MEGF11: variants seen among roughly 807,000 people sequenced by gnomAD.
The protein encoded by MEGF11 is multiple epidermal growth factor-like domains protein 11.
Under a neutral mutation model 146.6 loss-of-function variants are expected in MEGF11, and 126 were observed. The observed-to-expected ratio is 0.86, with a 90% CI of 0.74 to 1.00. MEGF11 has a LOEUF of 1.00. Ranked by LOEUF, MEGF11 falls within the 50% of genes least tolerant of loss-of-function variation. The pLI, the probability that MEGF11 is intolerant of heterozygous loss-of-function variation, is 0.00. For missense variants in MEGF11, 1,509 were observed against 1,521.2 expected (o/e 0.99, Z 0.13); for synonymous variants, 532 against 583.4 (o/e 0.91, Z 1.27).
At chr15:66,121,778 T>C (rs757808614) in intron 3 of MEGF11, among the ~76,000 whole-genome samples, 1 of 152,194 alleles carries the variant, frequency 6.6e-6, no homozygotes, top group African/African-American at 2.4e-5. Flanking sequence ...GAGGACATAT[T>C]CCAAGCAGCC....
chr15:65,922,494 T>C, intron 14 of MEGF11, 22 bp from the exon 15 acceptor site: 1 of 1,539,106 alleles, frequency 6.5e-7, no homozygotes, highest in Non-Finnish European at 8.8e-7. Context: ...GGGAAGATGG[T>C]GGTCAGCAGC....
chr15:66,126,923 G>T (rs1224430611), intron 2 of MEGF11, among the ~76,000 whole-genome samples: 1 of 152,230 alleles, frequency 6.6e-6, no homozygotes, highest in Non-Finnish European at 1.5e-5. Flanking sequence ...GGCCCCAGGA[G>T]ACTTTTTCGA....
chr15:66,163,169 A>G (rs1172513258), intron 1 of MEGF11, among the ~76,000 whole-genome samples: 1 of 152,150 alleles, frequency 6.6e-6, no homozygotes, highest in African/African-American at 2.4e-5. Context: ...GGGAATCTGG[A>G]GCTCCTGTCC....
intron 5 of MEGF11, among the ~76,000 whole-genome samples, chr15:66,070,432 A>G (rs2085317546): frequency 6.6e-6 from 1 of 152,212 alleles, no homozygotes; most frequent in East Asian, 1.9e-4. Context: ...TCCATGTGAC[A>G]ACCAGGACCA....
At chr15:65,915,349 T>G in intron 19 of MEGF11, 121 bp downstream of exon 19, 1 of 1,330,668 alleles carries the variant, frequency 7.5e-7, no homozygotes. Context: ...CTATTCCTGC[T>G]GTCCTCACAA....
At chr15:66,239,765 G>A (rs1314394660) in intron 1 of MEGF11, among the ~76,000 whole-genome samples, 1 of 152,232 alleles carries the variant, frequency 6.6e-6, no homozygotes, top group Non-Finnish European at 1.5e-5. Context: ...GGGCCCAGGT[G>A]AGGCACCATG....
intron 5 of MEGF11, among the ~76,000 whole-genome samples, chr15:66,027,900 C>T (rs2083390547): frequency 6.6e-6 from 1 of 152,188 alleles, no homozygotes; most frequent in South Asian, 2.1e-4. Flanking sequence ...ACTTGGGCCT[C>T]AGCTTCCTCA....
intron 5 of MEGF11, among the ~76,000 whole-genome samples, chr15:66,026,130 G>C (rs2083323691): frequency 6.6e-6 from 1 of 152,234 alleles, no homozygotes; most frequent in South Asian, 2.1e-4. Context: ...ACTCCCCAAA[G>C]CTCCCCAGGT....
intron 3 of MEGF11, among the ~76,000 whole-genome samples, chr15:66,121,551 TC>T (rs2088025555): frequency 6.6e-6 from 1 of 152,172 alleles, no homozygotes; most frequent in African/African-American, 2.4e-5. Flanking sequence ...AAGGGAATGG[TC>T]CTGGGCAAGT....
At chr15:66,133,776 T>G (rs1838940650) in intron 1 of MEGF11, among the ~76,000 whole-genome samples, 1 of 152,238 alleles carries the variant, frequency 6.6e-6, no homozygotes, top group East Asian at 1.9e-4. Context: ...CTAATCTTCC[T>G]GTACTTAAAA....
intron 1 of MEGF11, among the ~76,000 whole-genome samples, chr15:66,155,217 G>A (rs753866823): frequency 6.6e-6 from 1 of 152,094 alleles, no homozygotes; most frequent in African/African-American, 2.4e-5. Flanking sequence ...CACCCCCTGT[G>A]CAGTAATCAG....
intron 7 of MEGF11, among the ~76,000 whole-genome samples, chr15:65,980,062 G>T (rs1316766423): frequency 6.6e-6 from 1 of 152,188 alleles, no homozygotes; most frequent in Non-Finnish European, 1.5e-5. Context: ...GTGTGCAAGT[G>T]CAGGGGGCGA....
At chr15:66,020,153 A>T (rs750965124) in intron 5 of MEGF11, among the ~76,000 whole-genome samples, 1 of 152,266 alleles carries the variant, frequency 6.6e-6, no homozygotes, top group Admixed American at 6.5e-5. Flanking sequence ...GGATTAGATC[A>T]TTCAATTTCC....
At chr15:66,050,541 G>A (rs960778423) in intron 5 of MEGF11, among the ~76,000 whole-genome samples, 6 of 152,320 alleles carry the variant, frequency 3.9e-5, no homozygotes, top group African/African-American at 1.4e-4. Flanking sequence ...TGAGAGAGGT[G>A]GGTAAGGATC....
At chr15:66,208,671 C>G (rs2091362360) in intron 1 of MEGF11, among the ~76,000 whole-genome samples, 1 of 151,804 alleles carries the variant, frequency 6.6e-6, no homozygotes, top group East Asian at 1.9e-4. Flanking sequence ...CACCTGAGGT[C>G]AGGAGTTTGA....
At chr15:66,218,517 A>G (rs2140152707) in intron 1 of MEGF11, among the ~76,000 whole-genome samples, 1 of 152,318 alleles carries the variant, frequency 6.6e-6, no homozygotes, top group Admixed American at 6.5e-5. Flanking sequence ...TAGCCAATCA[A>G]ACCCTCCCTG....
At chr15:65,950,584 G>GACACACACACACACAC (rs57977250) in intron 10 of MEGF11, among the ~76,000 whole-genome samples, 21 of 148,940 alleles carry the variant, frequency 1.4e-4, no homozygotes, top group African/African-American at 5.2e-4. Context: ...TAGACACACA[G>GACACACACACACACAC]ACACACACAC....
At chr15:66,211,737 C>G (rs148693825) in intron 1 of MEGF11, among the ~76,000 whole-genome samples, 1 of 151,792 alleles carries the variant, frequency 6.6e-6, no homozygotes, top group East Asian at 2.0e-4. Context: ...GAGTAAGACA[C>G]TCTCCTGACC....
intron 10 of MEGF11, among the ~76,000 whole-genome samples, chr15:65,936,116 C>T (rs912497036): frequency 3.5e-4 from 53 of 152,190 alleles, no homozygotes; most frequent in African/African-American, 1.3e-3. Flanking sequence ...CGTGCTCAGG[C>T]AGTCAGTGTA....
Sources: gnomAD v4.1 joint callset for allele counts (sites outside exome capture counted in the v4.1 genomes callset) on GRCh38, gnomAD v4.1.1 for gene constraint, MANE v1.5 for transcripts, NCBI Gene and HGNC (gene_info 2026-07-23, HGNC 2026-07-21) for gene names.